The following SHC2 variants were observed in gnomAD, a reference collection of about 807,000 sequenced individuals.
SHC2 encodes the protein SHC-transforming protein 2.
In SHC2, 62 loss-of-function variants were observed where a neutral mutation model predicts 60.6. That is an observed-to-expected ratio of 1.02 (90% CI 0.83 to 1.26). The LOEUF is 1.26. Ranked by LOEUF, SHC2 falls within the 50% of genes most tolerant of loss-of-function variation. The pLI is 0.00. For missense variants in SHC2, 873 were observed against 822.2 expected, an observed-to-expected ratio of 1.06 and a Z score of -0.76; for synonymous variants, 375 against 372.4, an observed-to-expected ratio of 1.01 and a Z score of -0.08.
Position 441,026 on chromosome 19 carries a change from C to T in SHC2, c.469-94G>A. 14 of 1,538,168 alleles carry T rather than the reference C, an allele frequency of 9.1e-6. 1 individual carries two copies. Among genetic ancestry groups the T allele is most frequent in the South Asian group, 3.4e-5 (3 of 87,070 alleles). On this transcript the variant is annotated intron_variant, in intron 1 of 12. Coordinates refer to ENST00000264554, the MANE Select transcript of SHC2 (RefSeq NM_012435.3). The surrounding 1 kb of genome is among the most constrained non-coding windows in gnomAD (Gnocchi z 4.9). ...CAGCCCTTCGCCGCCTCCACCACCCCTGGGGTCGAGCCCTTTCCTCTGTCC... is the reference window on the plus strand; with the variant it reads ...CAGCCCTTCGCCGCCTCCACCACCCTTGGGGTCGAGCCCTTTCCTCTGTCC...
At chr19:442,946 A>ATAGATGAGTGGATGGGTGG (rs1568292967) in intron 1 of SHC2, among the ~76,000 whole-genome samples, 1 of 7,880 alleles carries the variant, frequency 1.3e-4, no homozygotes, top group Non-Finnish European at 2.2e-4. Context: ...TGGGTGGGTG[A>ATAGATGAGTGGATGGGTGG]ATGGATGGAT....
intron 1 of SHC2, among the ~76,000 whole-genome samples, chr19:451,030 C>A: frequency 7.4e-6 from 1 of 135,794 alleles, no homozygotes; most frequent in Non-Finnish European, 1.5e-5. Flanking sequence ...TGGATGGCCA[C>A]GCCGTGGCCA....
chr19:455,344 C>T (rs149491579), intron 1 of SHC2, among the ~76,000 whole-genome samples: 1 of 152,326 alleles, frequency 6.6e-6, no homozygotes, highest in Non-Finnish European at 1.5e-5. Context: ...ACCTGCTGTG[C>T]CTCAGCTGCC....
In SHC2 at chr19:425,226, G is replaced by C. The variant is rs1257524898; in HGVS notation, c.1180C>G (p.Pro394Ala). 7.5e-7 allele frequency: 1 copy of C among 1,337,266 alleles called. No homozygotes were observed. Among genetic ancestry groups the C allele is most frequent in the African/African-American group, 1.5e-5 (1 of 66,494 alleles). The allele number at this position is 1,337,266 out of a possible 1,614,324, so 82.8% of individuals were successfully genotyped here. The change falls in exon 10 of 13, where the codon CCG (proline) becomes GCG (alanine). Residue 394 changes from proline (P) to alanine (A), a missense_variant. By Grantham distance (27) the Pro-to-Ala change is conservative. Coordinates refer to ENST00000264554, the MANE Select transcript of SHC2 (RefSeq NM_012435.3). This position sits in a 1 kb window ranked among gnomAD's most constrained non-coding sequence, Gnocchi z 4.1. ...WDVGSTGTAP[P>A]GDGYVQADAR... ...TCCGCCTGCACGTAGCCGTCCCCCG[G>C]TGGAGCTGGGGAGTGTAAAGAGGGG...
chr19:436,732 CA>C lies in SHC2; in HGVS notation c.721-50del, dbSNP rs776383112. The stretch of plus-strand genomic sequence containing the variant: ...GGTCATGGGGGCCCCGCTTCGAGGG[CA>C]GGGGGCCCGGCAGATGGACCAGGAC... On this transcript the variant is annotated intron_variant, in intron 4 of 12. Coordinates refer to ENST00000264554, the MANE Select transcript of SHC2 (RefSeq NM_012435.3). The C allele has an allele frequency of 3.2e-6, 5 of 1,558,366 alleles. No individual in the cohort carries two copies. In the Admixed American group the frequency reaches 5.3e-5, roughly 17 times the overall value.
intron 1 of SHC2, among the ~76,000 whole-genome samples, chr19:456,426 C>A (rs906671399): frequency 2.6e-5 from 4 of 152,150 alleles, no homozygotes; most frequent in Admixed American, 1.3e-4. Context: ...CCTAGGTCCC[C>A]TGGCCTGGGC....
At position 417,311 on chromosome 19, in the gene SHC2, G is replaced by A. The variant is rs2145682673; in HGVS notation, c.*17C>T. The A allele has an allele frequency of 6.5e-6, 1 of 153,112 alleles. No homozygotes were observed. The highest frequency in any genetic ancestry group is 3.4e-3 in the Middle Eastern group (1 of 296). 9.5% of individuals were successfully genotyped at this position (153,112 alleles called of 1,614,324 possible). A position where few individuals can be genotyped will look rare whatever the true frequency, so the allele number is the denominator to read the frequency against. On this transcript the variant is annotated 3_prime_UTR_variant, in exon 13 of 13. Coordinates refer to ENST00000264554, the MANE Select transcript of SHC2 (RefSeq NM_012435.3). ...CTGAGAACAGGCAGGAGCCAGGGCT[G>A]AGAACGGTCACCTGCGGGCAGAAAG...
intron 9 of SHC2, among the ~76,000 whole-genome samples, chr19:426,191 T>A (rs1974411026): frequency 6.6e-6 from 1 of 152,186 alleles, no homozygotes; most frequent in South Asian, 2.1e-4. Context: ...TGAATCCACA[T>A]GAACGTGAGG....
chr19:437,304 CTG>C (rs972375051), intron 4 of SHC2, among the ~76,000 whole-genome samples: 2 of 151,624 alleles, frequency 1.3e-5, no homozygotes, highest in Admixed American at 6.6e-5. Flanking sequence ...GCGTGCTCGT[CTG>C]TGTGCTCATC....
At chr19:423,885 G>A (rs1292298022) in intron 10 of SHC2, among the ~76,000 whole-genome samples, 1 of 152,220 alleles carries the variant, frequency 6.6e-6, no homozygotes, top group Non-Finnish European at 1.5e-5. Flanking sequence ...GGGACAGCCT[G>A]CCTCAGAGGG....
intron 1 of SHC2, among the ~76,000 whole-genome samples, chr19:455,951 C>A (rs1975332466): frequency 7.7e-6 from 1 of 129,880 alleles, no homozygotes; most frequent in African/African-American, 4.0e-5. Context: ...TTCACAGAAT[C>A]CGAGGGTGGA....
At chr19:458,017 TGGGGAGGCGGAAGTAGGTTCC>T (rs1975400290) in intron 1 of SHC2, among the ~76,000 whole-genome samples, 1 of 105,794 alleles carries the variant, frequency 9.5e-6, no homozygotes, top group Non-Finnish European at 2.0e-5. Context: ...AAGAGGGTCT[TGGGGAGGCGGAAGTAGGTTCC>T]GGGGAGGCGG....
chr19:424,463 A>C lies in SHC2; in HGVS notation c.1309+634T>G, dbSNP rs1300297674. ...CATCAGACTAGGGAGACCCAGAGTC[A>C]GCGTGCAAGACCAGCGGGCCAGGCA... is the stretch of plus-strand genomic sequence containing the variant. On this transcript the variant is annotated intron_variant, in intron 10 of 12. Transcript: ENST00000264554. This position sits in a 1 kb window ranked among gnomAD's most constrained non-coding sequence, Gnocchi z 4.5. 6.6e-6 allele frequency among the ~76,000 whole-genome samples: 1 copy of C among 152,116 alleles called. No individual in the cohort carries two copies. Among genetic ancestry groups the C allele is most frequent in the East Asian group, 1.9e-4 (1 of 5,166 alleles).
At chr19:434,265 A>G (rs1288745704) in intron 8 of SHC2, among the ~76,000 whole-genome samples, 1 of 39,046 alleles carries the variant, frequency 2.6e-5, no homozygotes, top group Non-Finnish European at 4.9e-5. Flanking sequence ...AGTGAGTGAG[A>G]TCATGAGTGA....
At position 438,395 on chromosome 19, in the gene SHC2, C is replaced by T. The variant is rs188622353; in HGVS notation, c.720+323G>A. Among the ~76,000 whole-genome samples the T allele has an allele frequency of 1.2e-4, 18 of 152,336 alleles. No individual in the cohort carries two copies. The highest frequency in any genetic ancestry group is 4.1e-4 in the African/African-American group (17 of 41,566). On this transcript the variant is annotated intron_variant, in intron 4 of 12. Coordinates refer to ENST00000264554, the MANE Select transcript of SHC2 (RefSeq NM_012435.3). This position sits in a 1 kb window ranked among gnomAD's most constrained non-coding sequence, Gnocchi z 5.0. ...GCCAGGGTTTATCCCCGCCCCTCCC[C>T]AGGCACTGTGGATGTTGGGACGGAC...
chr19:443,460 G>A (rs1373550772), intron 1 of SHC2, among the ~76,000 whole-genome samples: 8 of 145,774 alleles, frequency 5.5e-5, no homozygotes, highest in Non-Finnish European at 1.2e-4. Context: ...TTGGATGGGT[G>A]GACAGATGGG....
chr19:438,891 G>A lies in SHC2; in HGVS notation c.601-54C>T. The A allele has an allele frequency of 2.6e-6, 4 of 1,552,606 alleles. No homozygotes were observed. The highest frequency in any genetic ancestry group is 2.6e-6 in the Non-Finnish European group (3 of 1,147,196). ...CGGCTGTGGGTGGGGGCTGTCGAGG[G>A]GCTCCCAGGATGGCCGCAGCGTCCC... On this transcript the variant is annotated intron_variant, in intron 3 of 12. Transcript: ENST00000264554. The surrounding 1 kb of genome is among the most constrained non-coding windows in gnomAD (Gnocchi z 5.0).
At chr19:458,221 C>T (rs1303775915) in intron 1 of SHC2, among the ~76,000 whole-genome samples, 3 of 75,100 alleles carry the variant, frequency 4.0e-5, no homozygotes, top group Non-Finnish European at 7.3e-5. Flanking sequence ...GAGGCAGACG[C>T]GGGTTCCGGC....
At chr19:437,735 G>C (rs1423254524) in intron 4 of SHC2, among the ~76,000 whole-genome samples, 1 of 151,916 alleles carries the variant, frequency 6.6e-6, no homozygotes, top group African/African-American at 2.4e-5. Context: ...ACCGCCACCT[G>C]CTGCCACCAC....
Sources: allele counts gnomAD v4.1 joint callset (sites outside exome capture counted in the v4.1 genomes callset), GRCh38; gene constraint gnomAD v4.1.1; non-coding constraint Gnocchi (gnomAD v3.1); transcripts MANE v1.5; gene names NCBI Gene and HGNC (gene_info 2026-07-23, HGNC 2026-07-21).